FER1L6: variants seen among roughly 807,000 people sequenced by gnomAD.
The protein encoded by FER1L6 is fer-1-like protein 6.
Under a neutral mutation model 219.2 loss-of-function variants are expected in FER1L6, and 177 were observed. The ratio of observed to expected loss-of-function variants is 0.81; its 90% CI spans 0.71 to 0.91. FER1L6 has a LOEUF of 0.91. FER1L6 is among the 40% of genes least tolerant of loss of function. The pLI, the probability that FER1L6 is intolerant of heterozygous loss-of-function variation, is 0.00. For synonymous variants in FER1L6, 768 were observed against 824.3 expected (o/e 0.93, Z 1.17); for missense variants, 2,153 against 2,259.9 (o/e 0.95, Z 0.96).
intron 1 of FER1L6, among the ~76,000 whole-genome samples, chr8:123,869,984 G>A (rs903802281): frequency 6.0e-5 from 9 of 151,072 alleles, no homozygotes; most frequent in African/African-American, 2.2e-4. Context: ...AAACAATGTT[G>A]GGCAAAACAT....
At chr8:123,973,294 G>C in intron 6 of FER1L6, 140 bp from the exon 7 acceptor site, 1 of 649,674 alleles carries the variant, frequency 1.5e-6, no homozygotes, top group Non-Finnish European at 2.8e-6. Context: ...GGTGTTGAGG[G>C]GCTTCTGGAG....
At chr8:123,997,065 G>A (rs918337845) in intron 12 of FER1L6, among the ~76,000 whole-genome samples, 1 of 152,064 alleles carries the variant, frequency 6.6e-6, no homozygotes, top group Non-Finnish European at 1.5e-5. Flanking sequence ...GTGTTATAAT[G>A]TTCTATGTTT....
Position 124,064,431 on chromosome 8 carries a change from A to T in FER1L6, c.3413A>T (p.Asp1138Val). The change falls in exon 26 of 41, where the codon GAT (aspartate) becomes GTT (valine). Residue 1138 changes from aspartate to valine, a missense_variant. Coordinates refer to ENST00000522917, the MANE Select transcript of FER1L6 (RefSeq NM_001039112.2). ...CCCCCAGCAGATCACATTTATGTGG[A>T]TGTTGAGCCACCTCCCACAGTGGTG... is the stretch of plus-strand genomic sequence containing the variant. Reference protein sequence around the residue: ...QDPPADHIYVDVEPPPTVVPD... With the variant: ...QDPPADHIYVVVEPPPTVVPD... 6.2e-7 allele frequency: 1 copy of T among 1,613,916 alleles called. No homozygotes were observed. Among genetic ancestry groups the T allele is most frequent in the Non-Finnish European group, 8.5e-7 (1 of 1,179,934 alleles).
At chr8:124,067,437 G>A (rs2130855252) in intron 27 of FER1L6, among the ~76,000 whole-genome samples, 1 of 152,312 alleles carries the variant, frequency 6.6e-6, no homozygotes, top group East Asian at 1.9e-4. Flanking sequence ...TGCAGATGAG[G>A]GAGATGCTCC....
chr8:123,970,184 A>AG, intron 6 of FER1L6, 87 bp downstream of exon 6: 1 of 1,180,568 alleles, frequency 8.5e-7, no homozygotes, highest in Non-Finnish European at 1.3e-6. Flanking sequence ...CAGCATACTT[A>AG]GCGGGGAATA....
intron 1 of FER1L6, among the ~76,000 whole-genome samples, chr8:123,904,302 C>G (rs1282718205): frequency 1.3e-5 from 2 of 148,784 alleles, no homozygotes; most frequent in Non-Finnish European, 3.0e-5. Flanking sequence ...CCAGGCAGGT[C>G]TCTTCTTGCT....
intron 11 of FER1L6, among the ~76,000 whole-genome samples, chr8:123,982,177 A>G (rs1816353528): frequency 6.6e-6 from 1 of 152,160 alleles, no homozygotes; most frequent in South Asian, 2.1e-4. Context: ...CTTAACTTTG[A>G]ATTTCACCAG....
rs1170613290 is a variant in FER1L6 at position 124,049,707 on chromosome 8, G to C, written c.2825G>C (p.Cys942Ser). ...AGGTTATGCTATCACCCCATCTTTT[G>C]TGGGAATCTCTCTGGAGGGGATCTC... is the stretch of plus-strand genomic sequence containing the variant. ...PPRLCYHPIF[C>S]GNLSGGDLLA... is the part of the protein sequence containing the mutation. The change falls in exon 22 of 41, where the codon TGT becomes TCT. Residue 942 changes from cysteine (C) to serine (S), a missense_variant. Physicochemically the swap from Cys to Ser is moderately radical, Grantham distance 112 (BLOSUM62 -1). Transcript: ENST00000522917. 2 of 1,613,972 alleles carry C rather than the reference G, an allele frequency of 1.2e-6. No individual in the cohort carries two copies. Among genetic ancestry groups the C allele is most frequent in the Non-Finnish European group, 1.7e-6 (2 of 1,180,000 alleles).
intron 2 of FER1L6, among the ~76,000 whole-genome samples, chr8:123,960,913 G>A (rs1454317772): frequency 6.6e-6 from 1 of 152,076 alleles, no homozygotes; most frequent in Non-Finnish European, 1.5e-5. Flanking sequence ...AAATTGACCT[G>A]CAGACGGCAG....
chr8:123,955,973 T>C lies in FER1L6; in HGVS notation c.-7-19T>C, dbSNP rs1814996497. The C allele has an allele frequency of 1.9e-6, 3 of 1,593,806 alleles. No individual in the cohort carries two copies. Among genetic ancestry groups the C allele is most frequent in the Admixed American group, 1.8e-5 (1 of 56,674 alleles). On this transcript the variant is annotated intron_variant, in intron 1 of 40. Coordinates refer to ENST00000522917, the MANE Select transcript of FER1L6 (RefSeq NM_001039112.2). ...ATGACTCAAAGTTTTTATTGTTTCTTTTTTTTTCTTCTTTTCAGAAAGGGG... is the reference window on the plus strand; with the variant it reads ...ATGACTCAAAGTTTTTATTGTTTCTCTTTTTTTCTTCTTTTCAGAAAGGGG...
intron 19 of FER1L6, among the ~76,000 whole-genome samples, chr8:124,037,909 C>T (rs1331627782): frequency 2.0e-5 from 3 of 152,076 alleles, no homozygotes; most frequent in African/African-American, 7.2e-5. Flanking sequence ...GGTCCTTAAA[C>T]TTCTGGCCTA....
At chr8:124,094,126 G>A (rs891553221) in intron 34 of FER1L6, among the ~76,000 whole-genome samples, 5 of 152,158 alleles carry the variant, frequency 3.3e-5, no homozygotes, top group Non-Finnish European at 7.4e-5. Context: ...GAAATCTAAA[G>A]CAACCGTGAG....
chr8:123,990,687 T>C (rs973027017), intron 12 of FER1L6, among the ~76,000 whole-genome samples: 3 of 152,160 alleles, frequency 2.0e-5, no homozygotes, highest in Admixed American at 6.5e-5. Context: ...TTACTCTGAT[T>C]ATTTCTTTTG....
intron 7 of FER1L6, among the ~76,000 whole-genome samples, chr8:123,974,473 T>A (rs1286624365): frequency 6.6e-6 from 1 of 151,498 alleles, no homozygotes; most frequent in Non-Finnish European, 1.5e-5. Flanking sequence ...CCATCTCTAC[T>A]AAAAATACAA....
chr8:124,098,563 C>T (rs1822408119), intron 37 of FER1L6, among the ~76,000 whole-genome samples: 1 of 151,972 alleles, frequency 6.6e-6, no homozygotes, highest in Non-Finnish European at 1.5e-5. Context: ...TCATTTTTTT[C>T]ACAATAAAAA....
At position 123,976,100 on chromosome 8, in the gene FER1L6, C is replaced by A; in HGVS notation, c.870+16C>A. On this transcript the variant is annotated intron_variant, in intron 9 of 40. Coordinates refer to ENST00000522917, the MANE Select transcript of FER1L6 (RefSeq NM_001039112.2). ...TGGGCAGATGGTGAGGAACCATTGT[C>A]ACTAACACTGCCTGCTAGGCCAGGG... is the stretch of plus-strand genomic sequence containing the variant. The A allele has an allele frequency of 1.3e-6, 2 of 1,588,788 alleles. No homozygotes were observed. Among genetic ancestry groups the A allele is most frequent in the Non-Finnish European group, 1.7e-6 (2 of 1,162,610 alleles).
chr8:123,895,200 C>T (rs1336198415), intron 1 of FER1L6, among the ~76,000 whole-genome samples: 1 of 152,304 alleles, frequency 6.6e-6, no homozygotes, highest in East Asian at 1.9e-4. Flanking sequence ...TGTTTTACAA[C>T]ATTAGTGACC....
Position 124,064,682 on chromosome 8 carries a change from A to G in FER1L6, c.3555+109A>G, listed in dbSNP as rs1820747976. On this transcript the variant is annotated intron_variant, in intron 26 of 40. Coordinates refer to ENST00000522917, the MANE Select transcript of FER1L6 (RefSeq NM_001039112.2). ...TGTGACCATGGGCAAGCAGCTTCAC[A>G]TTTCTGAGTATCGGTTCATCCTTTG... 15 of 884,810 alleles carry G rather than the reference A, an allele frequency of 1.7e-5. 1 individual carries two copies. The South Asian group carries it at 2.2e-4, about 13-fold the overall frequency. 54.8% of individuals were successfully genotyped at this position (884,810 alleles called of 1,614,324 possible). A position where few individuals can be genotyped will look rare whatever the true frequency, so the allele number is the denominator to read the frequency against.
chr8:124,070,087 G>A (rs529146298), intron 29 of FER1L6, among the ~76,000 whole-genome samples: 32 of 151,992 alleles, frequency 2.1e-4, no homozygotes, highest in African/African-American at 6.0e-4. Context: ...ATATTCCATC[G>A]CCTTATATGT....
Sources: allele counts gnomAD v4.1 joint callset (sites outside exome capture counted in the v4.1 genomes callset), GRCh38; gene constraint gnomAD v4.1.1; transcripts MANE v1.5; gene names NCBI Gene and HGNC (gene_info 2026-07-23, HGNC 2026-07-21).